Variants in ULK4 observed in about 807,000 individuals in gnomAD.
ULK4 encodes the protein unc-51 like kinase 4, also known as inactive serine/threonine-protein kinase ULK4.
ULK4 carries 133 observed loss-of-function variants against 160.6 expected under a neutral mutation model. The ratio of observed to expected loss-of-function variants is 0.83; its 90% CI spans 0.72 to 0.96. The LOEUF (loss-of-function observed/expected upper bound fraction) is 0.96. ULK4 is among the 40% of genes least tolerant of loss of function. The probability of loss-of-function intolerance (pLI) is 0.00; values close to 1 mark genes in which losing one functional copy is unlikely to be tolerated. For synonymous variants in ULK4, 534 were observed against 539.8 expected (o/e 0.99, Z 0.15); for missense variants, 1,580 against 1,499.5 (o/e 1.05, Z -0.89).
At position 41,519,411 on chromosome 3, in the gene ULK4, C is replaced by G. The variant is rs188212234; in HGVS notation, c.3226+46614G>C. Among the ~76,000 whole-genome samples, 80 of 152,288 alleles carry G rather than the reference C, an allele frequency of 5.3e-4. 1 individual carries two copies. The highest frequency in any genetic ancestry group is 1.8e-3 in the Admixed American group (28 of 15,302). The stretch of plus-strand genomic sequence containing the variant: ...CTACTTGCCTCACTACCGTGGATGC[C>G]GAATGATAATCAGTCGCTAATTTCA... On this transcript the variant is annotated intron_variant, in intron 32 of 36. Transcript: ENST00000301831.
intron 19 of ULK4, among the ~76,000 whole-genome samples, chr3:41,802,802 T>C (rs1345763671): frequency 1.3e-5 from 2 of 152,198 alleles, no homozygotes; most frequent in African/African-American, 2.4e-5. Context: ...ATGAGGTTCA[T>C]ATGTAAGCAT....
chr3:41,795,431 G>A (rs2040274438), intron 20 of ULK4, among the ~76,000 whole-genome samples: 1 of 152,086 alleles, frequency 6.6e-6, no homozygotes, highest in Non-Finnish European at 1.5e-5. Context: ...TCACACGTAG[G>A]GCAGGATGCT....
At chr3:41,758,188 G>A (rs2038869194) in intron 21 of ULK4, among the ~76,000 whole-genome samples, 1 of 152,064 alleles carries the variant, frequency 6.6e-6, no homozygotes, top group African/African-American at 2.4e-5. Flanking sequence ...AAAGCTGCTA[G>A]TACCTCGATT....
Position 41,948,722 on chromosome 3 carries a change from TA to T in ULK4, c.138+5899del, listed in dbSNP as rs11414127. 1.5e-3 allele frequency among the ~76,000 whole-genome samples: 200 copies of T among 134,530 alleles called. 1 individual carries two copies. Among genetic ancestry groups the T allele is most frequent in the African/African-American group, 4.9e-3 (175 of 35,876 alleles). The allele number at this position is 134,530 out of a possible 152,430, so 88.3% of individuals were successfully genotyped here. On this transcript the variant is annotated intron_variant, in intron 2 of 36. Coordinates refer to ENST00000301831, the MANE Select transcript of ULK4 (RefSeq NM_017886.4). ...GCACTTGGCAAAATTCAACAACCTT[TA>T]AAAAAAAAAAAAAAACTCCAAAAGC...
chr3:41,702,427 G>A (rs930154777), intron 27 of ULK4, among the ~76,000 whole-genome samples: 8 of 152,162 alleles, frequency 5.3e-5, no homozygotes, highest in Non-Finnish European at 1.0e-4. Context: ...TTACAGGCAT[G>A]AGTCATCCCG....
chr3:41,652,735 G>A (rs1323360511), intron 30 of ULK4, among the ~76,000 whole-genome samples: 3 of 152,322 alleles, frequency 2.0e-5, no homozygotes, highest in African/African-American at 2.4e-5. Context: ...CACTGAGAAC[G>A]ACTGTGTTGA....
intron 31 of ULK4, among the ~76,000 whole-genome samples, chr3:41,572,033 A>G (rs2087995943): frequency 6.6e-6 from 1 of 152,216 alleles, no homozygotes; most frequent in Non-Finnish European, 1.5e-5. Flanking sequence ...CACTTCACCT[A>G]CATCATCTCA....
chr3:41,690,164 C>T (rs2036243376), intron 27 of ULK4, among the ~76,000 whole-genome samples: 2 of 148,052 alleles, frequency 1.4e-5, no homozygotes, highest in African/African-American at 2.5e-5. Flanking sequence ...AATTGGAAAT[C>T]ATCATTCTCA....
intron 34 of ULK4, among the ~76,000 whole-genome samples, chr3:41,429,925 A>T (rs1171153164): frequency 6.6e-6 from 1 of 152,216 alleles, no homozygotes; most frequent in African/African-American, 2.4e-5. Flanking sequence ...AATTCTTTTT[A>T]AAAAGTTTAT....
intron 30 of ULK4, among the ~76,000 whole-genome samples, chr3:41,662,017 T>A (rs540401804): frequency 1.3e-5 from 2 of 152,242 alleles, no homozygotes; most frequent in Admixed American, 6.5e-5. Context: ...GTAATTGCAA[T>A]CTGTTCAATC....
At chr3:41,586,086 T>C (rs761890038) in intron 31 of ULK4, among the ~76,000 whole-genome samples, 1 of 152,206 alleles carries the variant, frequency 6.6e-6, no homozygotes, top group Admixed American at 6.5e-5. Context: ...GAAAACAGTA[T>C]GGAGGTTACT....
chr3:41,647,461 C>T (rs949688337), intron 30 of ULK4, among the ~76,000 whole-genome samples: 1 of 152,244 alleles, frequency 6.6e-6, no homozygotes, highest in African/African-American at 2.4e-5. Context: ...AGGTCCACTC[C>T]AGACCCTGTT....
In ULK4 at chr3:41,604,275, C is replaced by T. The variant is rs149117920; in HGVS notation, c.3120+11394G>A. On this transcript the variant is annotated intron_variant, in intron 31 of 36. Coordinates refer to ENST00000301831, the MANE Select transcript of ULK4 (RefSeq NM_017886.4). ...GCGAGAGAGGCAACCATGGCCAGATCATGGAGGGTGTTGCAAGAGTGGGAC... is the reference window on the plus strand; with the variant it reads ...GCGAGAGAGGCAACCATGGCCAGATTATGGAGGGTGTTGCAAGAGTGGGAC... Among the ~76,000 whole-genome samples, 385 of 152,084 alleles carry T rather than the reference C, an allele frequency of 2.5e-3. 1 individual carries two copies. Among genetic ancestry groups the T allele is most frequent in the Non-Finnish European group, 4.4e-3 (301 of 67,966 alleles).
In ULK4 at chr3:41,938,080, T is replaced by C; in HGVS notation, c.238+18A>G. On this transcript the variant is annotated intron_variant, in intron 3 of 36. Coordinates refer to ENST00000301831, the MANE Select transcript of ULK4 (RefSeq NM_017886.4). ...TTCAATACTATATTCATAGCACTTTTTACATACTCTTTCTTACCTGTGCAG... is the reference window on the plus strand; with the variant it reads ...TTCAATACTATATTCATAGCACTTTCTACATACTCTTTCTTACCTGTGCAG... The C allele has an allele frequency of 6.4e-7, 1 of 1,571,392 alleles. No individual in the cohort carries two copies. The highest frequency in any genetic ancestry group is 1.4e-5 in the African/African-American group (1 of 73,442).
chr3:41,843,529 C>T (rs1259948404), intron 17 of ULK4, among the ~76,000 whole-genome samples: 2 of 152,028 alleles, frequency 1.3e-5, no homozygotes, highest in Non-Finnish European at 2.9e-5. Flanking sequence ...AGTGAAGCTG[C>T]GGACCTTCAT....
chr3:41,529,690 G>A (rs572264157), intron 32 of ULK4, among the ~76,000 whole-genome samples: 138 of 152,128 alleles, frequency 9.1e-4, no homozygotes, highest in African/African-American at 3.2e-3. Flanking sequence ...GCAGGGTTTC[G>A]CCATGTTGGT....
intron 32 of ULK4, among the ~76,000 whole-genome samples, chr3:41,464,868 C>T (rs2083787200): frequency 6.6e-6 from 1 of 152,162 alleles, no homozygotes; most frequent in African/African-American, 2.4e-5. Context: ...TCAGAGTAAA[C>T]AGTTAGTGGG....
intron 3 of ULK4, chr3:41,937,335 C>A: frequency 1.4e-6 from 1 of 693,158 alleles, no homozygotes; most frequent in Non-Finnish European, 2.6e-6. Context: ...CAACCATAAT[C>A]CTGTCCTATT....
intron 22 of ULK4, among the ~76,000 whole-genome samples, chr3:41,729,000 G>A (rs541090367): frequency 4.9e-4 from 74 of 152,262 alleles, no homozygotes; most frequent in African/African-American, 1.7e-3. Context: ...ATGGCTGACT[G>A]AAGGTGCCTG....
Sources: gnomAD v4.1 joint callset for allele counts (sites outside exome capture counted in the v4.1 genomes callset) on GRCh38, gnomAD v4.1.1 for gene constraint, MANE v1.5 for transcripts, NCBI Gene and HGNC (gene_info 2026-07-23, HGNC 2026-07-21) for gene names.